SP1: variants seen among roughly 807,000 people sequenced by gnomAD.
The protein encoded by SP1 is Sp1 transcription factor.
In SP1, 6 loss-of-function variants were observed where a neutral mutation model predicts 66.3. The ratio of observed to expected loss-of-function variants is 0.09; its 90% CI spans 0.05 to 0.18. The LOEUF is 0.18. Among genes scored for constraint, SP1 ranks in the 10% least tolerant of loss-of-function variants. The pLI is 1.00. For missense variants in SP1, 848 were observed against 964.5 expected (o/e 0.88, Z 1.60); for synonymous variants, 417 against 360.8 (o/e 1.16, Z -1.77).
intron 3 of SP1, 47 bp downstream of exon 3, chr12:53,383,669 C>G (rs764704739): frequency 6.8e-7 from 1 of 1,477,342 alleles, no homozygotes; most frequent in Non-Finnish European, 9.2e-7. Flanking sequence ...ACTCTAGCAT[C>G]GTAGCTGAAA....
chr12:53,409,270 G>A, intron 4 of SP1, 92 bp from the exon 5 acceptor site: 1 of 1,044,958 alleles, frequency 9.6e-7, no homozygotes, highest in Non-Finnish European at 1.4e-6. Context: ...GTTTGGGTTA[G>A]TTTGGTGTCG....
At chr12:53,401,326 C>CT (rs1484229599) in intron 3 of SP1, among the ~76,000 whole-genome samples, 1 of 151,598 alleles carries the variant, frequency 6.6e-6, no homozygotes, top group African/African-American at 2.4e-5. Context: ...TGGTGGGCGC[C>CT]TGTAATCCCA....
At chr12:53,392,785 A>G (rs1370767592) in intron 3 of SP1, among the ~76,000 whole-genome samples, 2 of 151,712 alleles carry the variant, frequency 1.3e-5, no homozygotes, top group African/African-American at 4.8e-5. Context: ...GTGAGCCACC[A>G]TGCCTGGCCT....
intron 3 of SP1, among the ~76,000 whole-genome samples, chr12:53,398,565 G>A (rs924739550): frequency 6.6e-6 from 1 of 152,184 alleles, no homozygotes; most frequent in African/African-American, 2.4e-5. Context: ...TTAGACATGA[G>A]CCACCAAACC....
Position 53,382,931 on chromosome 12 carries a change from A to C in SP1, c.984A>C (p.Ser328=). Residue 328 remains serine, a synonymous_variant, in exon 3 of 6, where the codon TCA becomes TCC. Transcript: ENST00000327443. ...TTTTCACCAATGCCAATAGCTACTC[A>C]ACTACTACTACCACCAGCAACATGG... ...SSFFTNANSY[S]TTTTTSNMGI... 1.9e-6 allele frequency: 3 copies of C among 1,614,102 alleles called. No individual in the cohort carries two copies. The highest frequency in any genetic ancestry group is 1.3e-5 in the African/African-American group (1 of 75,028).
At chr12:53,406,826 T>G in intron 4 of SP1, 73 bp downstream of exon 4, 3 of 1,343,200 alleles carry the variant, frequency 2.2e-6, no homozygotes, top group Non-Finnish European at 3.0e-6. Context: ...GGAAGAAGAT[T>G]AATTTTTTTT....
rs757270059 is a variant in SP1, at chr12:53,382,292, G to A, written c.345G>A (p.Gly115=). The A allele has an allele frequency of 1.4e-5, 22 of 1,613,944 alleles. No homozygotes were observed. The highest frequency in any genetic ancestry group is 2.5e-6 in the Non-Finnish European group (3 of 1,180,014). The change falls in exon 3 of 6, where the codon GGG becomes GGA. Residue 115 remains glycine, a synonymous_variant. Coordinates refer to ENST00000327443, the MANE Select transcript of SP1 (RefSeq NM_138473.3). ...GGCAGATCATCTCTTCCTCCTCTGG[G>A]GCTACCCCTACCTCAAAGGAACAGA... ...NGWQIISSSS[G]ATPTSKEQSG... is the part of the protein sequence containing the mutation.
rs769557419 is a variant in SP1, at chr12:53,382,685, C to A, written c.738C>A (p.Leu246=). ...TCCAAGGCCTGGCTAATAATGTACT[C>A]TCAGGACAGACTCAGTATGTGACCA... The part of the protein sequence containing the change: ...VPLQGLANNV[L]SGQTQYVTNV... The change falls in exon 3 of 6, where the codon CTC becomes CTA. Residue 246 remains leucine, a synonymous_variant. Coordinates refer to ENST00000327443, the MANE Select transcript of SP1 (RefSeq NM_138473.3). 6.2e-7 allele frequency: 1 copy of A among 1,614,190 alleles called. No homozygotes were observed. Among genetic ancestry groups the A allele is most frequent in the Non-Finnish European group, 8.5e-7 (1 of 1,180,028 alleles).
rs1938983494 is a variant in SP1 at position 53,415,746 on chromosome 12, T to C, written c.*4506T>C. 1 of 152,590 alleles carries C rather than the reference T, an allele frequency of 6.6e-6. No individual in the cohort carries two copies. The highest frequency in any genetic ancestry group is 6.5e-5 in the Admixed American group (1 of 15,274). The allele number at this position is 152,590 out of a possible 1,614,324, so 9.5% of individuals were successfully genotyped here. On this transcript the variant is annotated 3_prime_UTR_variant, in exon 6 of 6. Coordinates refer to ENST00000327443, the MANE Select transcript of SP1 (RefSeq NM_138473.3). ...ATGTGTGCTTTCCCATATCTTGCCT[T>C]CAGGAATTACACTGTGCCTTTTCCC... is the stretch of plus-strand genomic sequence containing the variant.
chr12:53,391,344 G>GTT (rs1938345899), intron 3 of SP1, among the ~76,000 whole-genome samples: 2 of 106,454 alleles, frequency 1.9e-5, no homozygotes, highest in African/African-American at 3.5e-5. Context: ...TTTAAGTAAT[G>GTT]TCTTTTTTTT....
In SP1 at chr12:53,406,567, T is replaced by G; in HGVS notation, c.1676-18T>G. On this transcript the variant is annotated intron_variant, in intron 3 of 5. Transcript: ENST00000327443. ...CCTGCCCATGTCACATGTTGACCCT[T>G]TTCTCTCTTAATTTCAGGTGATCAT... is the stretch of plus-strand genomic sequence containing the variant. 6.2e-7 allele frequency: 1 copy of G among 1,612,106 alleles called. No individual in the cohort carries two copies.
intron 3 of SP1, among the ~76,000 whole-genome samples, chr12:53,401,849 A>G (rs1447605618): frequency 2.0e-5 from 3 of 152,082 alleles, no homozygotes; most frequent in African/African-American, 4.8e-5. Flanking sequence ...TTGTATTTTT[A>G]GTAAAGAAGG....
At chr12:53,410,202 G>C (rs1592574244) in intron 5 of SP1, among the ~76,000 whole-genome samples, 1 of 151,676 alleles carries the variant, frequency 6.6e-6, no homozygotes. Context: ...CTACTCAGGA[G>C]GCTGAGGCAG....
intron 5 of SP1, among the ~76,000 whole-genome samples, chr12:53,410,199 G>A (rs1938848060): frequency 6.6e-6 from 1 of 151,704 alleles, no homozygotes. Context: ...CAGCTACTCA[G>A]GAGGCTGAGG....
In SP1 at chr12:53,383,613, A is replaced by G. The variant is rs749316650; in HGVS notation, c.1666A>G (p.Asn556Asp). 2 of 1,603,752 alleles carry G rather than the reference A, an allele frequency of 1.2e-6. No homozygotes were observed. The highest frequency in any genetic ancestry group is 8.5e-7 in the Non-Finnish European group (1 of 1,174,976). Reference protein sequence around the residue: ...PIQGLPLAIANAPGDHGAQLG... With the variant: ...PIQGLPLAIADAPGDHGAQLG... ...TCAAGGCCTGCCGTTGGCTATAGCA[A>G]ATGCCCCAGGTAAGATTTCCAATCT... Residue 556 changes from asparagine to aspartate, a missense_variant, in exon 3 of 6, where the codon AAT (asparagine) becomes GAT (aspartate). Physicochemically the swap from Asn to Asp is conservative, Grantham distance 23 (BLOSUM62 1). Transcript: ENST00000327443.
chr12:53,381,817 A>G lies in SP1; in HGVS notation c.162+4A>G. The G allele has an allele frequency of 6.2e-7, 1 of 1,610,676 alleles. No homozygotes were observed. Among genetic ancestry groups the G allele is most frequent in the South Asian group, 1.1e-5 (1 of 90,490 alleles). On this transcript the variant is annotated splice_donor_region_variant and intron_variant, in intron 2 of 5. Transcript: ENST00000327443. Reference sequence around the variant, plus strand: ...CAGCACTGGAGGAGGAGGGCAGGTAAGTGATAATCATAGAGTGGGGAAGGT... The same window carrying G: ...CAGCACTGGAGGAGGAGGGCAGGTAGGTGATAATCATAGAGTGGGGAAGGT...
At position 53,399,971 on chromosome 12, in the gene SP1, G is replaced by C. The variant is rs1938573305; in HGVS notation, c.1676-6614G>C. On this transcript the variant is annotated intron_variant, in intron 3 of 5. Transcript: ENST00000327443. ...GTAGAGACGGGAATTTCATCATGTT[G>C]GCCAGGATGGTCTCAATCTCCTGAC... 2.0e-5 allele frequency among the ~76,000 whole-genome samples: 3 copies of C among 151,916 alleles called. No individual in the cohort carries two copies. The South Asian group carries it at 6.2e-4, about 32-fold the overall frequency.
chr12:53,407,037 G>A (rs1228598723), intron 4 of SP1, among the ~76,000 whole-genome samples: 5 of 151,798 alleles, frequency 3.3e-5, no homozygotes, highest in Non-Finnish European at 2.9e-5. Flanking sequence ...TGTTACCCAG[G>A]ATGGTCTCGA....
In SP1 at chr12:53,383,376, C is replaced by T. The variant is rs1399547749; in HGVS notation, c.1429C>T (p.Pro477Ser). ...LQLQNLQVQNPQAQTITLAPM... is the reference protein window; with the variant it reads ...LQLQNLQVQNSQAQTITLAPM... ...GCTGCAGAACCTCCAAGTTCAGAAC[C>T]CACAAGCCCAAACAATCACCTTAGC... Residue 477 changes from proline to serine, a missense_variant, in exon 3 of 6, where the codon CCA becomes TCA. Physicochemically the swap from Pro to Ser is moderately conservative, Grantham distance 74 (BLOSUM62 -1). Transcript: ENST00000327443. The T allele has an allele frequency of 9.3e-6, 15 of 1,614,210 alleles. No individual in the cohort carries two copies. The highest frequency in any genetic ancestry group is 1.2e-5 in the Non-Finnish European group (14 of 1,180,036).
Sources: gnomAD v4.1 joint callset for allele counts (sites outside exome capture counted in the v4.1 genomes callset) on GRCh38, gnomAD v4.1.1 for gene constraint, MANE v1.5 for transcripts, NCBI Gene and HGNC (gene_info 2026-07-23, HGNC 2026-07-21) for gene names.